GPR15LG: variants seen among roughly 807,000 people sequenced by gnomAD.
The protein encoded by GPR15LG is protein GPR15LG.
the GPR15LG span, among the ~76,000 whole-genome samples, chr10:84,175,521 T>C: frequency 6.6e-6 from 1 of 152,278 alleles, no homozygotes; most frequent in Non-Finnish European, 1.5e-5. Flanking sequence ...TTTTCCTTTT[T>C]TGAAGCAAGA....
the GPR15LG span, among the ~76,000 whole-genome samples, chr10:84,180,631 C>T: frequency 5.9e-5 from 9 of 152,202 alleles, no homozygotes; most frequent in African/African-American, 2.2e-4. Flanking sequence ...GGGCTCCTCA[C>T]ATCCCAGACG....
the GPR15LG span, among the ~76,000 whole-genome samples, chr10:84,180,649 G>A: frequency 6.6e-6 from 1 of 152,082 alleles, no homozygotes; most frequent in Non-Finnish European, 1.5e-5. Context: ...ACGATGGGTG[G>A]CCAGGCAGAG....
chr10:84,176,398 G>A, the GPR15LG span: 3 of 964,844 alleles, frequency 3.1e-6, no homozygotes, highest in Admixed American at 5.2e-5. Context: ...AAATATTCCT[G>A]AGCCCTGTGC....
the GPR15LG span, chr10:84,173,830 C>A: frequency 1.3e-6 from 2 of 1,577,246 alleles, no homozygotes; most frequent in Non-Finnish European, 1.7e-6. Flanking sequence ...CTTCCCAGGA[C>A]GTGAAAATCT....
the GPR15LG span, among the ~76,000 whole-genome samples, chr10:84,177,429 T>C: frequency 6.6e-6 from 1 of 152,140 alleles, no homozygotes; most frequent in Non-Finnish European, 1.5e-5. Context: ...CTGCCTGAAC[T>C]CTGCAGCCCC....
At chr10:84,181,859 G>A in the GPR15LG span, among the ~76,000 whole-genome samples, 23 of 152,358 alleles carry the variant, frequency 1.5e-4, no homozygotes, top group African/African-American at 4.8e-4. Context: ...GGCCCCACCA[G>A]CCAGGAAGTA....
At chr10:84,185,212 C>T in the GPR15LG span, 43 of 321,898 alleles carry the variant, frequency 1.3e-4, no homozygotes, top group Middle Eastern at 1.3e-3. Flanking sequence ...GGAATCCCTT[C>T]CTAGCCTCCT....
chr10:84,176,238 A>G, the GPR15LG span, among the ~76,000 whole-genome samples: 1 of 152,224 alleles, frequency 6.6e-6, no homozygotes. Flanking sequence ...ATTATGTCAA[A>G]GAAACTACTT....
the GPR15LG span, chr10:84,184,811 G>T: frequency 6.2e-7 from 1 of 1,610,566 alleles, no homozygotes; most frequent in Non-Finnish European, 8.5e-7. Context: ...CTCATGCCTG[G>T]CACCTGAGGT....
the GPR15LG span, among the ~76,000 whole-genome samples, chr10:84,180,564 G>C: frequency 6.7e-6 from 1 of 149,166 alleles, no homozygotes; most frequent in Non-Finnish European, 1.5e-5. Context: ...CTTCCTAGAC[G>C]GGATGACGGC....
the GPR15LG span, among the ~76,000 whole-genome samples, chr10:84,183,654 A>AT: frequency 3.7e-3 from 536 of 144,638 alleles, 3 homozygotes; most frequent in East Asian, 4.9e-3. Context: ...TTTATTATTT[A>AT]TTTTTTTTTT....
the GPR15LG span, chr10:84,184,622 G>C: frequency 1.9e-5 from 29 of 1,548,520 alleles, no homozygotes; most frequent in Non-Finnish European, 2.4e-5. Context: ...CCACAACCTG[G>C]CTCTGACCTC....
the GPR15LG span, among the ~76,000 whole-genome samples, chr10:84,174,520 G>C: frequency 1.6e-5 from 2 of 128,206 alleles, no homozygotes; most frequent in Non-Finnish European, 3.2e-5. Context: ...TTGAGATGGA[G>C]TCTTGCTCTG....
At chr10:84,176,680 G>A in the GPR15LG span, 1 of 700,710 alleles carries the variant, frequency 1.4e-6, no homozygotes. Flanking sequence ...GGCTCTGGCT[G>A]GGAGGACATC....
chr10:84,178,574 C>T, the GPR15LG span, among the ~76,000 whole-genome samples: 30 of 152,030 alleles, frequency 2.0e-4, no homozygotes, highest in African/African-American at 6.7e-4. Flanking sequence ...CAATTACACA[C>T]ACACACTACA....
At chr10:84,178,079 A>T in the GPR15LG span, among the ~76,000 whole-genome samples, 9 of 151,794 alleles carry the variant, frequency 5.9e-5, no homozygotes, top group Admixed American at 5.9e-4. Flanking sequence ...AGACACATAC[A>T]CGCTACACAA....
At chr10:84,177,970 A>G in the GPR15LG span, among the ~76,000 whole-genome samples, 1 of 152,038 alleles carries the variant, frequency 6.6e-6, no homozygotes. Context: ...ATAAACACAA[A>G]TACCTACACA....
the GPR15LG span, among the ~76,000 whole-genome samples, chr10:84,177,843 C>T: frequency 2.6e-5 from 4 of 152,176 alleles, no homozygotes; most frequent in Non-Finnish European, 5.9e-5. Context: ...AGGCGAGCCC[C>T]AAGAGCTCAC....
the GPR15LG span, among the ~76,000 whole-genome samples, chr10:84,174,397 G>A: frequency 2.0e-5 from 3 of 152,066 alleles, no homozygotes; most frequent in Non-Finnish European, 2.9e-5. Flanking sequence ...GTGTGTGGTA[G>A]GGAGGTGGGG....
Sources: allele counts gnomAD v4.1 joint callset (sites outside exome capture counted in the v4.1 genomes callset), GRCh38; gene constraint gnomAD v4.1.1; transcripts MANE v1.5; gene names NCBI Gene and HGNC (gene_info 2026-07-23, HGNC 2026-07-21).